The following XKR6 variants were observed in gnomAD, a reference collection of about 807,000 sequenced individuals.
XKR6 encodes XK-related protein 6.
In XKR6, 22 loss-of-function variants were observed where a neutral mutation model predicts 56.7. The ratio of observed to expected loss-of-function variants is 0.39; its 90% CI spans 0.28 to 0.55. The LOEUF is 0.55. XKR6 is among the 20% of genes least tolerant of loss of function. XKR6 has a pLI of 0.66. For synonymous variants in XKR6, 524 were observed against 387.8 expected (o/e 1.35, Z -4.13); for missense variants, 852 against 889.0 (o/e 0.96, Z 0.53).
At chr8:10,957,624 G>T (rs901912048) in intron 1 of XKR6, among the ~76,000 whole-genome samples, 1 of 152,218 alleles carries the variant, frequency 6.6e-6, no homozygotes, top group African/African-American at 2.4e-5. Context: ...CTGCAGGGCA[G>T]ATGGAGCTTC....
intron 1 of XKR6, among the ~76,000 whole-genome samples, chr8:11,140,839 A>T (rs974096206): frequency 2.2e-4 from 32 of 143,712 alleles, no homozygotes; most frequent in Admixed American, 2.8e-4. Context: ...AAGAGCTTGT[A>T]GTGAGCCGAG....
intron 1 of XKR6, among the ~76,000 whole-genome samples, chr8:10,940,838 T>C (rs1243367858): frequency 6.6e-6 from 1 of 152,150 alleles, no homozygotes; most frequent in Non-Finnish European, 1.5e-5. Flanking sequence ...CCATATGTGG[T>C]AGGTGCTGTG....
At chr8:10,958,315 GA>G (rs1276852101) in intron 1 of XKR6, among the ~76,000 whole-genome samples, 182 of 152,334 alleles carry the variant, frequency 1.2e-3, no homozygotes, top group African/African-American at 4.2e-3. Flanking sequence ...GGGGCTTGGG[GA>G]GCATGTGAGT....
chr8:11,005,151 T>C (rs187423516), intron 1 of XKR6, among the ~76,000 whole-genome samples: 50 of 145,676 alleles, frequency 3.4e-4, no homozygotes, highest in Admixed American at 2.1e-3. Flanking sequence ...GCAGGTAGTG[T>C]GTCCAGCATA....
chr8:11,141,598 C>T (rs944490973), intron 1 of XKR6, among the ~76,000 whole-genome samples: 3 of 152,206 alleles, frequency 2.0e-5, no homozygotes, highest in Non-Finnish European at 4.4e-5. Flanking sequence ...TGAGGACTCC[C>T]AGACCAGTGC....
chr8:11,000,377 T>C (rs1257955455), intron 1 of XKR6, among the ~76,000 whole-genome samples: 1 of 152,194 alleles, frequency 6.6e-6, no homozygotes, highest in Non-Finnish European at 1.5e-5. Context: ...GTGGAGCACA[T>C]AATTCCACTT....
chr8:10,986,500 G>A (rs990199685), intron 1 of XKR6, among the ~76,000 whole-genome samples: 5 of 152,122 alleles, frequency 3.3e-5, no homozygotes, highest in African/African-American at 1.2e-4. Flanking sequence ...CTGTGGAAAA[G>A]TTTAATGAGA....
At chr8:11,199,347 T>C (rs987480692) in intron 1 of XKR6, among the ~76,000 whole-genome samples, 1 of 152,214 alleles carries the variant, frequency 6.6e-6, no homozygotes, top group Non-Finnish European at 1.5e-5. Flanking sequence ...TTTAAATAAA[T>C]GCTGAATAGA....
chr8:10,909,460 TG>T (rs1162370101), intron 2 of XKR6, among the ~76,000 whole-genome samples: 1 of 152,226 alleles, frequency 6.6e-6, no homozygotes, highest in Non-Finnish European at 1.5e-5. Context: ...CTCCTGCTTT[TG>T]GTTTTTTATT....
At chr8:11,111,272 A>G (rs1351409763) in intron 1 of XKR6, among the ~76,000 whole-genome samples, 1 of 152,124 alleles carries the variant, frequency 6.6e-6, no homozygotes. Flanking sequence ...TAATTCATTC[A>G]GCCAATAATA....
At chr8:11,190,161 AAAAG>A (rs1410931272) in intron 1 of XKR6, among the ~76,000 whole-genome samples, 25 of 150,424 alleles carry the variant, frequency 1.7e-4, no homozygotes, top group Non-Finnish European at 3.2e-4. Context: ...GTCCCAAAAA[AAAAG>A]AAAGAAAGAA....
At chr8:11,061,991 G>T (rs979402951) in intron 1 of XKR6, among the ~76,000 whole-genome samples, 4 of 152,160 alleles carry the variant, frequency 2.6e-5, no homozygotes. Context: ...ATTCTAACAG[G>T]GTGAAACCAG....
chr8:11,005,067 G>A (rs929772196), intron 1 of XKR6, among the ~76,000 whole-genome samples: 2 of 152,086 alleles, frequency 1.3e-5, no homozygotes, highest in Non-Finnish European at 2.9e-5. Flanking sequence ...CGTTTCAGTG[G>A]ATGCCTGAAA....
intron 1 of XKR6, among the ~76,000 whole-genome samples, chr8:11,076,904 C>T (rs1019457145): frequency 1.9e-4 from 29 of 152,272 alleles, no homozygotes; most frequent in African/African-American, 5.3e-4. Context: ...TGGCTGAGCG[C>T]GGTGGCTCAT....
At chr8:10,927,106 G>A (rs1800910518) in intron 1 of XKR6, among the ~76,000 whole-genome samples, 1 of 152,178 alleles carries the variant, frequency 6.6e-6, no homozygotes, top group African/African-American at 2.4e-5. Flanking sequence ...CGAGGTTCCT[G>A]GAAGCAGATG....
At chr8:11,030,806 C>T (rs1180358887) in intron 1 of XKR6, among the ~76,000 whole-genome samples, 4 of 152,186 alleles carry the variant, frequency 2.6e-5, no homozygotes, top group Non-Finnish European at 5.9e-5. Flanking sequence ...CTCCCTACTC[C>T]AATGCCCTCA....
At chr8:11,189,622 G>C (rs1022500042) in intron 1 of XKR6, among the ~76,000 whole-genome samples, 1 of 152,134 alleles carries the variant, frequency 6.6e-6, no homozygotes, top group African/African-American at 2.4e-5. Flanking sequence ...AAATTCCCAA[G>C]CAATTCTAAC....
At chr8:10,995,881 GA>G (rs1798101644) in intron 1 of XKR6, among the ~76,000 whole-genome samples, 1 of 152,170 alleles carries the variant, frequency 6.6e-6, no homozygotes, top group African/African-American at 2.4e-5. Flanking sequence ...ATCATGGTGA[GA>G]TGAGGCCTGA....
At chr8:10,996,227 T>C (rs1798110032) in intron 1 of XKR6, among the ~76,000 whole-genome samples, 1 of 152,236 alleles carries the variant, frequency 6.6e-6, no homozygotes, top group African/African-American at 2.4e-5. Context: ...GTGATTTTTT[T>C]ACTTCTACTA....
Sources: gnomAD v4.1 joint callset for allele counts (sites outside exome capture counted in the v4.1 genomes callset) on GRCh38, gnomAD v4.1.1 for gene constraint, MANE v1.5 for transcripts, NCBI Gene and HGNC (gene_info 2026-07-23, HGNC 2026-07-21) for gene names.